The following PRICKLE2 variants were observed in gnomAD, a reference collection of about 807,000 sequenced individuals.
PRICKLE2 encodes the protein prickle planar cell polarity protein 2.
In PRICKLE2, 21 loss-of-function variants were observed where a neutral mutation model predicts 81.4. The observed-to-expected ratio is 0.26, with a 90% CI of 0.18 to 0.37. The LOEUF (loss-of-function observed/expected upper bound fraction) is 0.37. PRICKLE2 is among the 10% of genes least tolerant of loss of function. PRICKLE2 has a pLI of 1.00. For missense variants in PRICKLE2, 940 were observed against 1,109.0 expected, an observed-to-expected ratio of 0.85 and a Z score of 2.16; for synonymous variants, 456 against 421.5, an observed-to-expected ratio of 1.08 and a Z score of -1.00.
Position 64,198,922 on chromosome 3 carries a change from C to T in PRICKLE2, c.6G>A (p.Val2=), listed in dbSNP as rs201779407. The T allele has an allele frequency of 1.3e-4, 206 of 1,614,160 alleles. 1 individual carries two copies. The South Asian group carries it at 1.9e-3, about 15-fold the overall frequency. The change falls in exon 2 of 8, where the codon GTG becomes GTA. Residue 2 remains valine (V), a synonymous_variant. Transcript: ENST00000638394. M[V]TVMPLEMEKT... ...TCTCCATCTCCAGCGGCATCACTGT[C>T]ACCATGTGCTCCTCCTGGGGACACT...
chr3:64,252,371 T>G (rs945079207), intron 2 of PRICKLE2, among the ~76,000 whole-genome samples: 2 of 152,178 alleles, frequency 1.3e-5, no homozygotes, highest in African/African-American at 4.8e-5. Flanking sequence ...CCACATGCTA[T>G]GGGGGCCAGC....
intron 6 of PRICKLE2, among the ~76,000 whole-genome samples, chr3:64,150,752 T>C (rs1078398): frequency 1.3e-4 from 19 of 151,918 alleles, no homozygotes; most frequent in African/African-American, 4.6e-4. Flanking sequence ...CAAGCACACA[T>C]GCTCAGATGC....
intron 7 of PRICKLE2, among the ~76,000 whole-genome samples, chr3:64,143,379 G>A (rs2077393642): frequency 6.6e-6 from 1 of 152,108 alleles, no homozygotes; most frequent in African/African-American, 2.4e-5. Flanking sequence ...AAAATCTGAG[G>A]CAAAGGGGCA....
At chr3:64,198,211 AAAATAAATAAAT>A (rs71099792) in intron 2 of PRICKLE2, among the ~76,000 whole-genome samples, 26,582 of 145,026 alleles carry the variant, frequency 0.18, 2,812 homozygotes, top group East Asian at 0.45. Flanking sequence ...GACTCTATCT[AAAATAAATAAAT>A]AAATAAATAA....
At chr3:64,175,509 T>G (rs781401958) in intron 2 of PRICKLE2, among the ~76,000 whole-genome samples, 3 of 152,208 alleles carry the variant, frequency 2.0e-5, no homozygotes, top group African/African-American at 4.8e-5. Context: ...TGCAAGCTTC[T>G]GATCAAGGGT....
chr3:64,188,307 G>A (rs186555730), intron 2 of PRICKLE2, among the ~76,000 whole-genome samples: 2 of 152,322 alleles, frequency 1.3e-5, no homozygotes, highest in Non-Finnish European at 2.9e-5. Context: ...GATGCCCAAG[G>A]TTACAGAGTT....
chr3:64,134,501 A>AG (rs1443253077), intron 7 of PRICKLE2, among the ~76,000 whole-genome samples: 1 of 152,134 alleles, frequency 6.6e-6, no homozygotes, highest in Non-Finnish European at 1.5e-5. Context: ...GACTGGGTAT[A>AG]GGGGGATGGA....
intron 2 of PRICKLE2, among the ~76,000 whole-genome samples, chr3:64,164,698 C>T (rs2077796801): frequency 6.6e-6 from 1 of 152,196 alleles, no homozygotes. Flanking sequence ...TTTCCAAAGG[C>T]AGGGTCTGTA....
intron 1 of PRICKLE2, among the ~76,000 whole-genome samples, chr3:64,209,957 C>T (rs556010957): frequency 3.0e-4 from 46 of 152,166 alleles, no homozygotes; most frequent in African/African-American, 9.9e-4. Context: ...CGAGTTTTCC[C>T]GGCAGAGAAG....
intron 2 of PRICKLE2, among the ~76,000 whole-genome samples, chr3:64,250,331 C>G (rs1446049636): frequency 6.6e-6 from 1 of 152,166 alleles, no homozygotes; most frequent in East Asian, 1.9e-4. Context: ...CAAATAGTGG[C>G]CTCATCTCCC....
chr3:64,144,147 A>AT (rs1018459612), intron 7 of PRICKLE2, among the ~76,000 whole-genome samples: 33 of 152,278 alleles, frequency 2.2e-4, no homozygotes, highest in African/African-American at 6.5e-4. Context: ...AAAAATCCAC[A>AT]TTTTTAACTT....
At chr3:64,225,663 A>G (rs1406558023), upstream of PRICKLE2, among the ~76,000 whole-genome samples, 1 of 152,010 alleles carries the variant, frequency 6.6e-6, no homozygotes, top group African/African-American at 2.4e-5. Context: ...GTAACCTCCA[A>G]ATGAGCATGA....
intron 2 of PRICKLE2, among the ~76,000 whole-genome samples, chr3:64,261,651 T>C (rs704410): frequency 0.86 from 130,468 of 151,914 alleles, 56,337 homozygotes; most frequent in Non-Finnish European, 0.88. Flanking sequence ...CAAAGATCTA[T>C]GGGAAGAGCA....
At chr3:64,141,869 A>G (rs1409729227) in intron 7 of PRICKLE2, 4 of 984,944 alleles carry the variant, frequency 4.1e-6, no homozygotes, top group East Asian at 1.1e-4. Context: ...AGAATCCATC[A>G]TCTTGAAATC....
chr3:64,132,517 C>T (rs2077211360), intron 7 of PRICKLE2, among the ~76,000 whole-genome samples: 1 of 152,196 alleles, frequency 6.6e-6, no homozygotes, highest in Non-Finnish European at 1.5e-5. Flanking sequence ...TGGGGCCTGA[C>T]CCACAGAAGG....
At chr3:64,220,897 T>C (rs2078941976) in intron 1 of PRICKLE2, among the ~76,000 whole-genome samples, 3 of 152,208 alleles carry the variant, frequency 2.0e-5, no homozygotes, top group Admixed American at 6.5e-5. Flanking sequence ...CAGGCTCATA[T>C]TGTACTTGAA....
At chr3:64,110,959 C>CAAAAAA (rs550808708) in intron 7 of PRICKLE2, among the ~76,000 whole-genome samples, 12 of 63,862 alleles carry the variant, frequency 1.9e-4, no homozygotes, top group East Asian at 5.2e-4. Flanking sequence ...GACTCCATCT[C>CAAAAAA]AAAAAAAAAA....
rs2076563525 is a variant in PRICKLE2 at position 64,095,744 on chromosome 3, C to A, written c.*3307G>T. The A allele has an allele frequency of 6.6e-6, 1 of 152,110 alleles. No homozygotes were observed. Among genetic ancestry groups the A allele is most frequent in the Non-Finnish European group, 1.5e-5 (1 of 68,024 alleles). 9.4% of individuals were successfully genotyped at this position (152,110 alleles called of 1,614,324 possible). On this transcript the variant is annotated 3_prime_UTR_variant, in exon 8 of 8. Transcript: ENST00000638394. ...TTAGAAACACAAAATTGCTCATTTG[C>A]TCGACTGGTTGGGGGTAGAAAGGAA...
intron 2 of PRICKLE2, among the ~76,000 whole-genome samples, chr3:64,241,148 C>A (rs1407455345): frequency 6.6e-6 from 1 of 152,190 alleles, no homozygotes; most frequent in Non-Finnish European, 1.5e-5. Context: ...ATGGGCATTG[C>A]TATATTTCAA....
Sources: gnomAD v4.1 joint callset for allele counts (sites outside exome capture counted in the v4.1 genomes callset) on GRCh38, gnomAD v4.1.1 for gene constraint, MANE v1.5 for transcripts, NCBI Gene and HGNC (gene_info 2026-07-23, HGNC 2026-07-21) for gene names.